LRRC4C: variants seen among roughly 807,000 people sequenced by gnomAD.
LRRC4C encodes the protein leucine rich repeat containing 4C.
LRRC4C carries 5 observed loss-of-function variants against 33.6 expected under a neutral mutation model. The observed-to-expected ratio is 0.15, with a 90% CI of 0.08 to 0.31. The LOEUF (loss-of-function observed/expected upper bound fraction) is 0.31. Among genes scored for constraint, LRRC4C ranks in the 10% least tolerant of loss-of-function variants. The probability of loss-of-function intolerance (pLI) is 1.00; values close to 1 mark genes in which losing one functional copy is unlikely to be tolerated. For missense variants in LRRC4C, 560 were observed against 796.7 expected (o/e 0.70, Z 3.58); for synonymous variants, 329 against 302.0 (o/e 1.09, Z -0.93).
rs1246519417 is a variant in LRRC4C, at chr11:40,654,885, C to T, written c.-406-6607G>A. 2.6e-5 allele frequency among the ~76,000 whole-genome samples: 4 copies of T among 152,200 alleles called. No homozygotes were observed. In the East Asian group the frequency reaches 7.8e-4, roughly 29 times the overall value. On this transcript the variant is annotated intron_variant, in intron 2 of 6. Coordinates refer to ENST00000528697, the MANE Select transcript of LRRC4C (RefSeq NM_001258419.2). ...ATCATGGTGGTGGTTTCCCCCATGC[C>T]ATTCTCTTGAGGGTGAGTGAGTTCT...
intron 5 of LRRC4C, among the ~76,000 whole-genome samples, chr11:40,232,532 C>T (rs1336633671): frequency 6.6e-6 from 1 of 152,118 alleles, no homozygotes; most frequent in African/African-American, 2.4e-5. Context: ...TAAAAAGTTG[C>T]TAATCAAATG....
chr11:40,629,537 C>T (rs1273062298), intron 3 of LRRC4C, among the ~76,000 whole-genome samples: 1 of 152,196 alleles, frequency 6.6e-6, no homozygotes, highest in Non-Finnish European at 1.5e-5. Flanking sequence ...ATGCTAATCA[C>T]ACTAGAACAT....
intron 2 of LRRC4C, among the ~76,000 whole-genome samples, chr11:40,851,322 AG>A (rs1287910339): frequency 6.6e-6 from 1 of 152,150 alleles, no homozygotes; most frequent in East Asian, 1.9e-4. Context: ...GGAAAGGCGT[AG>A]CATCTGGGTC....
chr11:40,708,191 T>C (rs1946268569), intron 2 of LRRC4C, among the ~76,000 whole-genome samples: 1 of 151,842 alleles, frequency 6.6e-6, no homozygotes, highest in South Asian at 2.1e-4. Context: ...TTTGAAGGGT[T>C]TTTTTTATGT....
intron 1 of LRRC4C, among the ~76,000 whole-genome samples, chr11:40,950,973 T>A (rs375397026): frequency 1.3e-5 from 2 of 152,122 alleles, no homozygotes; most frequent in South Asian, 2.1e-4. Flanking sequence ...CTTTGTGATA[T>A]TTTTGATGAA....
At chr11:40,966,136 G>A (rs376331040) in intron 1 of LRRC4C, among the ~76,000 whole-genome samples, 6 of 152,072 alleles carry the variant, frequency 3.9e-5, no homozygotes, top group African/African-American at 1.4e-4. Context: ...GTATTTGCGA[G>A]TAGAGATGAT....
chr11:40,419,809 C>G (rs1261218821), intron 3 of LRRC4C, among the ~76,000 whole-genome samples: 3 of 152,164 alleles, frequency 2.0e-5, no homozygotes, highest in Non-Finnish European at 4.4e-5. Context: ...CAGATGGGCA[C>G]TATGGTCCTA....
At chr11:40,548,555 CA>C (rs944601715) in intron 3 of LRRC4C, among the ~76,000 whole-genome samples, 44 of 152,138 alleles carry the variant, frequency 2.9e-4, no homozygotes, top group Admixed American at 3.9e-4. Context: ...AACTGCCAGA[CA>C]AGAAATTTCT....
At chr11:41,175,219 G>T (rs755492247) in intron 1 of LRRC4C, among the ~76,000 whole-genome samples, 12 of 152,000 alleles carry the variant, frequency 7.9e-5, no homozygotes, top group Non-Finnish European at 1.5e-5. Flanking sequence ...TGGCCTCAAG[G>T]CTTCTGGTCT....
chr11:40,314,845 A>G (rs907445173), intron 4 of LRRC4C, among the ~76,000 whole-genome samples: 2 of 152,090 alleles, frequency 1.3e-5, no homozygotes, highest in African/African-American at 4.8e-5. Context: ...GAAGCTAAAA[A>G]AAAGTTGATC....
chr11:40,741,908 C>A (rs188024638), intron 2 of LRRC4C, among the ~76,000 whole-genome samples: 77 of 152,092 alleles, frequency 5.1e-4, no homozygotes, highest in Non-Finnish European at 8.4e-4. Context: ...AGAATTTCAA[C>A]TGAAATAAAG....
intron 1 of LRRC4C, among the ~76,000 whole-genome samples, chr11:41,225,906 C>T (rs1192362613): frequency 6.6e-6 from 1 of 152,054 alleles, no homozygotes; most frequent in African/African-American, 2.4e-5. Flanking sequence ...AAACCTCAGT[C>T]CATGCCACTC....
At chr11:40,732,557 G>A (rs536177900) in intron 2 of LRRC4C, among the ~76,000 whole-genome samples, 3 of 152,200 alleles carry the variant, frequency 2.0e-5, no homozygotes, top group East Asian at 3.9e-4. Context: ...ATCCCTAGAA[G>A]GCATGCTAGA....
rs774283940 is a variant in LRRC4C at position 40,201,344 on chromosome 11, GTTTTGTTTTTGT to G, written c.-96+40163_-96+40174del. 5.3e-5 allele frequency among the ~76,000 whole-genome samples: 8 copies of G among 152,182 alleles called. 1 individual carries two copies. The highest frequency in any genetic ancestry group is 9.6e-5 in the African/African-American group (4 of 41,512). On this transcript the variant is annotated intron_variant, in intron 5 of 6. Coordinates refer to ENST00000528697, the MANE Select transcript of LRRC4C (RefSeq NM_001258419.2). ...TCATTCTTTCTCTCACTGGCTCACTGTTTTGTTTTTGTTTTTGTTTTTGTTTTTAAGCCCTTT... is the reference window on the plus strand; with the variant it reads ...TCATTCTTTCTCTCACTGGCTCACTGTTTTGTTTTTGTTTTTAAGCCCTTT...
At chr11:41,196,311 T>C (rs765428248) in intron 1 of LRRC4C, among the ~76,000 whole-genome samples, 50 of 152,078 alleles carry the variant, frequency 3.3e-4, no homozygotes, top group Non-Finnish European at 3.5e-4. Flanking sequence ...AAAGCAGTTG[T>C]TACTAATCAA....
chr11:41,150,660 C>T (rs898917264), intron 1 of LRRC4C, among the ~76,000 whole-genome samples: 1 of 151,638 alleles, frequency 6.6e-6, no homozygotes, highest in Non-Finnish European at 1.5e-5. Flanking sequence ...TGTGGTGATG[C>T]TTGCCTATAT....
intron 1 of LRRC4C, among the ~76,000 whole-genome samples, chr11:41,304,282 C>T (rs1386499332): frequency 3.3e-5 from 4 of 122,404 alleles, no homozygotes; most frequent in East Asian, 2.8e-4. Context: ...CGCCTCTGCC[C>T]GGCCGCCCCT....
chr11:41,156,545 G>A (rs905652417), intron 1 of LRRC4C, among the ~76,000 whole-genome samples: 3 of 151,962 alleles, frequency 2.0e-5, no homozygotes, highest in South Asian at 2.1e-4. Flanking sequence ...TGCAAACACC[G>A]TGTGCTAGGC....
intron 2 of LRRC4C, among the ~76,000 whole-genome samples, chr11:40,797,525 A>T (rs564753888): frequency 6.6e-6 from 1 of 152,308 alleles, no homozygotes. Flanking sequence ...GAAAACAAGA[A>T]CAAAAAGAGA....
Sources: gnomAD v4.1 joint callset for allele counts (sites outside exome capture counted in the v4.1 genomes callset) on GRCh38, gnomAD v4.1.1 for gene constraint, MANE v1.5 for transcripts, NCBI Gene and HGNC (gene_info 2026-07-23, HGNC 2026-07-21) for gene names.